The following FYB1 variants were observed in gnomAD, a reference collection of about 807,000 sequenced individuals.
FYB1 encodes the protein FYN-binding protein 1.
In FYB1, 41 loss-of-function variants were observed where a neutral mutation model predicts 94.1. That is an observed-to-expected ratio of 0.44 (90% CI 0.34 to 0.57). The LOEUF is 0.57. FYB1 is among the 20% of genes least tolerant of loss of function. The pLI is 0.02. For synonymous variants in FYB1, 367 were observed against 353.2 expected, an observed-to-expected ratio of 1.04 and a Z score of -0.44; for missense variants, 1,050 against 976.8, an observed-to-expected ratio of 1.07 and a Z score of -1.00.
At chr5:39,108,300 T>C (rs376541704) in intron 17 of FYB1, 38 bp from the exon 18 acceptor site, 52 of 1,485,418 alleles carry the variant, frequency 3.5e-5, no homozygotes, top group Non-Finnish European at 4.5e-5. Flanking sequence ...TTAAAGAAAC[T>C]ATGTTCTTGG....
chr5:39,145,790 C>T (rs183837035), intron 3 of FYB1, among the ~76,000 whole-genome samples: 5 of 152,280 alleles, frequency 3.3e-5, no homozygotes, highest in Admixed American at 6.5e-5. Flanking sequence ...AGTAAACTCA[C>T]ATGCTGTCTG....
intron 2 of FYB1, among the ~76,000 whole-genome samples, chr5:39,192,208 G>A (rs1057336072): frequency 1.3e-5 from 2 of 152,152 alleles, no homozygotes; most frequent in Non-Finnish European, 2.9e-5. Flanking sequence ...ACAATCGAAA[G>A]GAAGTCAGAA....
chr5:39,147,480 G>GTGTGTC (rs1300322276), intron 3 of FYB1, among the ~76,000 whole-genome samples: 2 of 151,216 alleles, frequency 1.3e-5, no homozygotes, highest in Non-Finnish European at 3.0e-5. Context: ...GTGTGTGTGT[G>GTGTGTC]TGTGTGTCTG....
At chr5:39,262,102 T>TA (rs1370644825) in intron 1 of FYB1, among the ~76,000 whole-genome samples, 7 of 152,192 alleles carry the variant, frequency 4.6e-5, no homozygotes, top group Non-Finnish European at 1.0e-4. Flanking sequence ...GATTAATTTC[T>TA]TAAAAGGACA....
rs745991769 is a variant in FYB1, at chr5:39,105,441, C to T, written c.*2002G>A. Reference sequence around the variant, plus strand: ...CTGTTTCTTGATGTGTAAACCAAAACTCTGAAATATTCTCTTGATCTAACT... The same window carrying T: ...CTGTTTCTTGATGTGTAAACCAAAATTCTGAAATATTCTCTTGATCTAACT... On this transcript the variant is annotated 3_prime_UTR_variant, in exon 19 of 19. Coordinates refer to ENST00000512982, the MANE Select transcript of FYB1 (RefSeq NM_001465.6). 7.9e-5 allele frequency: 12 copies of T among 152,044 alleles called. No homozygotes were observed. The highest frequency in any genetic ancestry group is 1.5e-4 in the Non-Finnish European group (10 of 68,022). The allele number at this position is 152,044 out of a possible 1,614,324, so 9.4% of individuals were successfully genotyped here.
rs147557345 is a variant in FYB1, at chr5:39,113,356, G to A, written c.2402-2967C>T. Among the ~76,000 whole-genome samples the A allele has an allele frequency of 9.2e-5, 14 of 152,106 alleles. No individual in the cohort carries two copies. The East Asian group carries it at 2.3e-3, about 25-fold the overall frequency. On this transcript the variant is annotated intron_variant, in intron 16 of 18. Transcript: ENST00000512982. ...TTTAGCGCTGTAATATTGTGAGTGC[G>A]GTCACACCAGGGATTCTCACATACA...
At chr5:39,139,367 A>G in intron 4 of FYB1, 115 bp from the exon 5 acceptor site, 3 of 874,362 alleles carry the variant, frequency 3.4e-6, no homozygotes, top group South Asian at 3.0e-5. Flanking sequence ...AACAGAACTT[A>G]TGCTTTATCA....
intron 10 of FYB1, 41 bp from the exon 11 acceptor site, chr5:39,127,848 A>T: frequency 6.4e-7 from 1 of 1,558,916 alleles, no homozygotes; most frequent in Non-Finnish European, 8.7e-7. Context: ...TAATTTTATA[A>T]TTTGGCCATG....
rs964527350 is a variant in FYB1 at position 39,183,237 on chromosome 5, C to T, written c.1135+18589G>A. Among the ~76,000 whole-genome samples, 10 of 152,208 alleles carry T rather than the reference C, an allele frequency of 6.6e-5. No homozygotes were observed. In the South Asian group the frequency reaches 8.3e-4, roughly 13 times the overall value. On this transcript the variant is annotated intron_variant, in intron 2 of 18. Transcript: ENST00000512982. Reference sequence around the variant, plus strand: ...CCAACCTCAGGTGATCCACCTGTCTCGGCCTCCCAAAATGCTGGGATTACA... The same window carrying T: ...CCAACCTCAGGTGATCCACCTGTCTTGGCCTCCCAAAATGCTGGGATTACA...
intron 2 of FYB1, among the ~76,000 whole-genome samples, chr5:39,154,343 C>T (rs1051413253): frequency 1.3e-5 from 2 of 152,062 alleles, no homozygotes; most frequent in Non-Finnish European, 2.9e-5. Flanking sequence ...TTTGGAATTA[C>T]GCAGGTTGCC....
rs373104600 is a variant in FYB1, at chr5:39,202,932, G to C, written c.29C>G (p.Pro10Arg). The change falls in exon 2 of 19, where the codon CCG becomes CGG. Residue 10 changes from proline to arginine, a missense_variant. Physicochemically the swap from Pro to Arg is moderately radical, Grantham distance 103 (BLOSUM62 -2). Coordinates refer to ENST00000512982, the MANE Select transcript of FYB1 (RefSeq NM_001465.6). ...GCTATTGACTGAGACATCCTCTGTCGGGTTGCCCCCCGTGTTATATTTCGC... is the reference window on the plus strand; with the variant it reads ...GCTATTGACTGAGACATCCTCTGTCCGGTTGCCCCCCGTGTTATATTTCGC... MAKYNTGGN[P>R]TEDVSVNSRP... is the part of the protein sequence containing the mutation. The C allele has an allele frequency of 3.7e-6, 6 of 1,613,840 alleles. No homozygotes were observed. Among genetic ancestry groups the C allele is most frequent in the Middle Eastern group, 1.7e-4 (1 of 6,010 alleles).
chr5:39,238,382 C>G (rs1038803641), intron 1 of FYB1, among the ~76,000 whole-genome samples: 1 of 151,638 alleles, frequency 6.6e-6, no homozygotes, highest in Non-Finnish European at 1.5e-5. Context: ...TACTTTCTTC[C>G]TTTGAGTTTC....
intron 1 of FYB1, among the ~76,000 whole-genome samples, chr5:39,268,946 A>C (rs1251537707): frequency 6.6e-6 from 1 of 152,210 alleles, no homozygotes; most frequent in East Asian, 1.9e-4. Flanking sequence ...CTATCCAGTT[A>C]AACTTCCTTT....
chr5:39,184,000 T>C (rs1413434715), intron 2 of FYB1, among the ~76,000 whole-genome samples: 1 of 152,182 alleles, frequency 6.6e-6, no homozygotes, highest in Non-Finnish European at 1.5e-5. Flanking sequence ...AGGTATCAGG[T>C]GAAATAATTT....
chr5:39,190,909 G>A (rs1317304191), intron 2 of FYB1, among the ~76,000 whole-genome samples: 1 of 152,032 alleles, frequency 6.6e-6, no homozygotes, highest in Non-Finnish European at 1.5e-5. Flanking sequence ...CTGCAATCTA[G>A]ATCCTCAATG....
intron 5 of FYB1, 127 bp from the exon 6 acceptor site, chr5:39,138,818 G>T: frequency 2.9e-6 from 2 of 694,196 alleles, no homozygotes; most frequent in Non-Finnish European, 2.6e-6. Context: ...CATATTAAAT[G>T]GTCCAGAGGA....
intron 1 of FYB1, chr5:39,270,918 G>T: frequency 5.7e-6 from 1 of 176,788 alleles, no homozygotes; most frequent in Non-Finnish European, 1.0e-5. Context: ...CTATATTTTT[G>T]GATACATATG....
rs1345204575 is a variant in FYB1, at chr5:39,106,697, G to A, written c.*746C>T. 6.6e-6 allele frequency: 1 copy of A among 152,052 alleles called. No individual in the cohort carries two copies. Among genetic ancestry groups the A allele is most frequent in the Non-Finnish European group, 1.5e-5 (1 of 67,948 alleles). 9.4% of individuals were successfully genotyped at this position (152,052 alleles called of 1,614,324 possible). ...GTTATCCTCATTCAGATCTACTCTA[G>A]TTATAATAGTACTTTAAACAGAGCA... On this transcript the variant is annotated 3_prime_UTR_variant, in exon 19 of 19. Transcript: ENST00000512982.
chr5:39,209,292 G>A (rs901546666), intron 1 of FYB1, among the ~76,000 whole-genome samples: 4 of 151,786 alleles, frequency 2.6e-5, no homozygotes, highest in Non-Finnish European at 4.4e-5. Flanking sequence ...TAGAACAGCA[G>A]TGATCTTTTT....
Sources: gnomAD v4.1 joint callset for allele counts (sites outside exome capture counted in the v4.1 genomes callset) on GRCh38, gnomAD v4.1.1 for gene constraint, MANE v1.5 for transcripts, NCBI Gene and HGNC (gene_info 2026-07-23, HGNC 2026-07-21) for gene names.